Variants in TEAD4 observed in about 807,000 individuals in gnomAD.
TEAD4 encodes TEA domain transcription factor 4.
TEAD4 carries 36 observed loss-of-function variants against 52.4 expected under a neutral mutation model. The observed-to-expected ratio is 0.69, with a 90% CI of 0.53 to 0.91. TEAD4 has a LOEUF of 0.91. Ranked by LOEUF, TEAD4 falls within the 40% of genes least tolerant of loss-of-function variation. TEAD4 has a pLI of 0.00. For missense variants in TEAD4, 508 were observed against 583.9 expected, an observed-to-expected ratio of 0.87 and a Z score of 1.34; for synonymous variants, 220 against 231.0, an observed-to-expected ratio of 0.95 and a Z score of 0.43.
intron 5 of TEAD4, 40 bp downstream of exon 5, chr12:3,012,272 T>C (rs753819869): frequency 1.1e-5 from 18 of 1,602,558 alleles, no homozygotes; most frequent in Non-Finnish European, 1.5e-5. Flanking sequence ...TGGCCAGGAG[T>C]GGTGGCCAGC....
At chr12:2,972,978 A>G (rs1185649770) in intron 2 of TEAD4, among the ~76,000 whole-genome samples, 1 of 152,144 alleles carries the variant, frequency 6.6e-6, no homozygotes, top group African/African-American at 2.4e-5. Context: ...CCATCCATGC[A>G]TTGGCCCCTT....
intron 8 of TEAD4, among the ~76,000 whole-genome samples, 186 bp downstream of exon 8, chr12:3,019,356 G>A (rs1175013876): frequency 6.6e-6 from 1 of 152,196 alleles, no homozygotes; most frequent in East Asian, 1.9e-4. Context: ...CCTCAGCCGT[G>A]TGCCAAGCCC....
At chr12:3,009,783 C>T (rs1170014923) in intron 3 of TEAD4, among the ~76,000 whole-genome samples, 1 of 152,264 alleles carries the variant, frequency 6.6e-6, no homozygotes. Context: ...CCACTCCTTC[C>T]TCTGACACAG....
At chr12:3,016,796 T>C (rs1033198353) in intron 5 of TEAD4, among the ~76,000 whole-genome samples, 7 of 152,198 alleles carry the variant, frequency 4.6e-5, no homozygotes, top group Non-Finnish European at 8.8e-5. Context: ...TGTGTGCTTA[T>C]TTGTTCCGGG....
chr12:2,992,619 T>C (rs2098244068), intron 2 of TEAD4, among the ~76,000 whole-genome samples: 1 of 152,100 alleles, frequency 6.6e-6, no homozygotes, highest in Admixed American at 6.6e-5. Flanking sequence ...CTCAGGGGTT[T>C]AGACCCCCAG....
intron 2 of TEAD4, among the ~76,000 whole-genome samples, chr12:2,962,344 A>ATTTT (rs199615383): frequency 9.3e-5 from 11 of 118,884 alleles, no homozygotes; most frequent in South Asian, 5.1e-4. Context: ...ATATATATAT[A>ATTTT]TATTTTTTGA....
At chr12:2,990,771 A>G (rs1246420384) in intron 2 of TEAD4, among the ~76,000 whole-genome samples, 1 of 152,008 alleles carries the variant, frequency 6.6e-6, no homozygotes, top group Non-Finnish European at 1.5e-5. Flanking sequence ...TGGCCCAGAG[A>G]ACGCCTGGCC....
chr12:2,992,904 A>G (rs2098244302), intron 2 of TEAD4, among the ~76,000 whole-genome samples: 1 of 152,142 alleles, frequency 6.6e-6, no homozygotes, highest in South Asian at 2.1e-4. Context: ...GTTGGAGCCA[A>G]GAGGTCACTG....
At chr12:2,975,031 T>C (rs1027931020) in intron 2 of TEAD4, among the ~76,000 whole-genome samples, 3 of 152,166 alleles carry the variant, frequency 2.0e-5, no homozygotes, top group Non-Finnish European at 4.4e-5. Flanking sequence ...GTACTGTATT[T>C]TCATAATTTT....
At chr12:3,021,809 G>A (rs2098268908) in intron 9 of TEAD4, 35 bp from the exon 10 acceptor site, 2 of 1,604,650 alleles carry the variant, frequency 1.2e-6, no homozygotes, top group African/African-American at 2.7e-5. Context: ...CGTCTGGCCT[G>A]TGCTCCGTCT....
intron 2 of TEAD4, among the ~76,000 whole-genome samples, chr12:2,964,459 C>CTT (rs768389942): frequency 1.0e-4 from 14 of 140,242 alleles, no homozygotes; most frequent in African/African-American, 2.6e-4. Context: ...TTCTTTCTTT[C>CTT]TTTTTTTTTT....
At chr12:2,965,316 C>T (rs2098219332) in intron 2 of TEAD4, among the ~76,000 whole-genome samples, 1 of 151,342 alleles carries the variant, frequency 6.6e-6, no homozygotes, top group African/African-American at 2.4e-5. Context: ...CGCCACCACA[C>T]CTGGCTAATT....
intron 2 of TEAD4, among the ~76,000 whole-genome samples, chr12:2,980,503 C>A (rs1290465976): frequency 1.3e-5 from 2 of 152,016 alleles, no homozygotes. Context: ...GAGGCCGAGA[C>A]GGGCGGATCA....
intron 2 of TEAD4, among the ~76,000 whole-genome samples, chr12:2,992,660 C>T (rs1442549950): frequency 2.6e-5 from 4 of 152,028 alleles, no homozygotes; most frequent in Non-Finnish European, 5.9e-5. Flanking sequence ...CTGCATTGCT[C>T]CTCAAGGCTA....
intron 10 of TEAD4, among the ~76,000 whole-genome samples, chr12:3,031,790 A>G (rs2098275742): frequency 1.3e-5 from 2 of 152,214 alleles, no homozygotes; most frequent in African/African-American, 2.4e-5. Flanking sequence ...AAGGTTGCCC[A>G]GTTCATAGTA....
intron 10 of TEAD4, among the ~76,000 whole-genome samples, chr12:3,029,117 G>A (rs1272101859): frequency 6.6e-6 from 1 of 151,886 alleles, no homozygotes; most frequent in Non-Finnish European, 1.5e-5. Context: ...CTTCCAGGCT[G>A]GAGTGCACTG....
chr12:2,968,143 A>G (rs973829978), intron 2 of TEAD4, among the ~76,000 whole-genome samples: 1 of 139,614 alleles, frequency 7.2e-6, no homozygotes, highest in Non-Finnish European at 1.5e-5. Flanking sequence ...TTGGAGTGCA[A>G]TGGCGTGATC....
chr12:3,002,955 T>A (rs1476450079), intron 3 of TEAD4, among the ~76,000 whole-genome samples: 1 of 152,196 alleles, frequency 6.6e-6, no homozygotes, highest in Non-Finnish European at 1.5e-5. Context: ...CAGTCAGAAG[T>A]TCCTTCTCCA....
At chr12:3,036,479 C>G (rs2098279515) in intron 10 of TEAD4, among the ~76,000 whole-genome samples, 1 of 152,194 alleles carries the variant, frequency 6.6e-6, no homozygotes, top group Non-Finnish European at 1.5e-5. Flanking sequence ...TGCTTGGTGC[C>G]TGGCTCTGAA....
Sources: allele counts gnomAD v4.1 joint callset (sites outside exome capture counted in the v4.1 genomes callset), GRCh38; gene constraint gnomAD v4.1.1; transcripts MANE v1.5; gene names NCBI Gene and HGNC (gene_info 2026-07-23, HGNC 2026-07-21).